The following EGFLAM variants were observed in gnomAD, a reference collection of about 807,000 sequenced individuals.
EGFLAM encodes the protein pikachurin.
A neutral mutation model predicts 113.1 loss-of-function variants in EGFLAM; 79 were observed. That is an observed-to-expected ratio of 0.70 (90% CI 0.58 to 0.84). EGFLAM has a LOEUF of 0.84. EGFLAM is among the 40% of genes least tolerant of loss of function. The pLI, the probability that EGFLAM is intolerant of heterozygous loss-of-function variation, is 0.00. For synonymous variants in EGFLAM, 504 were observed against 487.6 expected (o/e 1.03, Z -0.44); for missense variants, 1,265 against 1,291.6 (o/e 0.98, Z 0.32).
intron 1 of EGFLAM, among the ~76,000 whole-genome samples, chr5:38,292,282 G>A (rs1007222946): frequency 7.2e-5 from 11 of 152,162 alleles, no homozygotes; most frequent in Non-Finnish European, 1.2e-4. Flanking sequence ...TTTTATCTGT[G>A]TTAAATGAGT....
In EGFLAM at chr5:38,337,650, G is replaced by T. The variant is rs115153941; in HGVS notation, c.207+21G>T. ...ACACTGTGAGTACACGGGCATGGGAGTTTCCTCGGTGGGTGTGTCGTGTGA... is the reference window on the plus strand; with the variant it reads ...ACACTGTGAGTACACGGGCATGGGATTTTCCTCGGTGGGTGTGTCGTGTGA... On this transcript the variant is annotated intron_variant, in intron 2 of 21. Transcript: ENST00000322350. The T allele has an allele frequency of 1.2e-3, 1,810 of 1,565,378 alleles. 18 individuals carry two copies. In the African/African-American group the frequency reaches 0.021, roughly 19 times the overall value.
At chr5:38,306,653 G>T (rs1758724108) in intron 1 of EGFLAM, among the ~76,000 whole-genome samples, 1 of 152,172 alleles carries the variant, frequency 6.6e-6, no homozygotes, top group Non-Finnish European at 1.5e-5. Flanking sequence ...TAGTGAGAAA[G>T]ATCACTCTTT....
chr5:38,322,881 CCA>C (rs1221607874), intron 1 of EGFLAM, among the ~76,000 whole-genome samples: 1 of 152,150 alleles, frequency 6.6e-6, no homozygotes, highest in Non-Finnish European at 1.5e-5. Flanking sequence ...CTTCTTTAAT[CCA>C]CAGGTAACTA....
chr5:38,288,387 G>A (rs1436566969), intron 1 of EGFLAM, among the ~76,000 whole-genome samples: 3 of 152,178 alleles, frequency 2.0e-5, no homozygotes, highest in Admixed American at 2.0e-4. Flanking sequence ...ATATTGCCAG[G>A]AAAGATAGGG....
At chr5:38,339,507 C>T (rs1466873698) in intron 3 of EGFLAM, among the ~76,000 whole-genome samples, 1 of 152,190 alleles carries the variant, frequency 6.6e-6, no homozygotes, top group Admixed American at 6.5e-5. Context: ...CTGGCAGCAG[C>T]ACCTGAGAGA....
At chr5:38,442,342 T>G (rs1350404955) in intron 17 of EGFLAM, among the ~76,000 whole-genome samples, 1 of 147,866 alleles carries the variant, frequency 6.8e-6, no homozygotes, top group South Asian at 2.1e-4. Context: ...ATTATTTGAT[T>G]TAAAATATTA....
intron 16 of EGFLAM, among the ~76,000 whole-genome samples, chr5:38,435,808 T>C (rs986162886): frequency 3.8e-4 from 34 of 89,976 alleles, no homozygotes; most frequent in Admixed American, 5.3e-4. Flanking sequence ...GGCTCTCTCT[T>C]TTTTTTTTTT....
intron 6 of EGFLAM, among the ~76,000 whole-genome samples, chr5:38,400,500 T>C (rs1414569109): frequency 6.6e-6 from 1 of 152,216 alleles, no homozygotes; most frequent in African/African-American, 2.4e-5. Context: ...GGGAGAATTC[T>C]TATCACTGGC....
chr5:38,287,924 TG>T (rs1299221437), intron 1 of EGFLAM, among the ~76,000 whole-genome samples: 1 of 152,230 alleles, frequency 6.6e-6, no homozygotes, highest in African/African-American at 2.4e-5. Context: ...TGCTAACTTC[TG>T]GGAACACAGT....
At chr5:38,435,765 A>G (rs1217929730) in intron 16 of EGFLAM, among the ~76,000 whole-genome samples, 2 of 151,850 alleles carry the variant, frequency 1.3e-5, no homozygotes, top group Non-Finnish European at 2.9e-5. Flanking sequence ...AGGTTCAGGA[A>G]AAAAACATTC....
At chr5:38,327,523 G>T (rs1020557292) in intron 1 of EGFLAM, among the ~76,000 whole-genome samples, 1 of 152,158 alleles carries the variant, frequency 6.6e-6, no homozygotes, top group Non-Finnish European at 1.5e-5. Context: ...TTAAATAACT[G>T]TAATAATAGT....
At chr5:38,379,315 A>G (rs958542848) in intron 6 of EGFLAM, among the ~76,000 whole-genome samples, 1 of 152,120 alleles carries the variant, frequency 6.6e-6, no homozygotes, top group Non-Finnish European at 1.5e-5. Context: ...CATCCAAGGA[A>G]AAAAAGTGAA....
chr5:38,424,874 A>T lies in EGFLAM; in HGVS notation c.1685-93A>T. On this transcript the variant is annotated intron_variant, in intron 12 of 21. Transcript: ENST00000322350. ...CAGGAGTAAGAACTGAAATGTATTT[A>T]TTCAGAACCATGAGCTGCTGGTGGG... 2.0e-6 allele frequency: 3 copies of T among 1,518,720 alleles called. No homozygotes were observed. The Admixed American group carries it at 5.7e-5, about 29-fold the overall frequency. 94.1% of individuals were successfully genotyped at this position (1,518,720 alleles called of 1,614,324 possible).
intron 1 of EGFLAM, among the ~76,000 whole-genome samples, chr5:38,280,651 A>G (rs1231958579): frequency 6.6e-5 from 10 of 152,052 alleles, no homozygotes; most frequent in Admixed American, 6.5e-4. Flanking sequence ...GGGTAGTAAC[A>G]ATGTCTTATT....
chr5:38,374,312 T>G (rs1397038671), intron 6 of EGFLAM, among the ~76,000 whole-genome samples: 1 of 152,034 alleles, frequency 6.6e-6, no homozygotes, highest in Admixed American at 6.6e-5. Context: ...GAGATCAGAT[T>G]TTATTACTGC....
At chr5:38,268,143 A>G (rs1194963650) in intron 1 of EGFLAM, among the ~76,000 whole-genome samples, 1 of 152,184 alleles carries the variant, frequency 6.6e-6, no homozygotes, top group East Asian at 1.9e-4. Flanking sequence ...CTCAGCAGAT[A>G]CAAGCAGTTG....
Position 38,388,917 on chromosome 5 carries a change from GAA to G in EGFLAM, c.713-17195_713-17194del, listed in dbSNP as rs770527595. Among the ~76,000 whole-genome samples the G allele has an allele frequency of 5.8e-3, 357 of 61,086 alleles. 1 individual carries two copies. Among genetic ancestry groups the G allele is most frequent in the South Asian group, 0.032 (61 of 1,892 alleles). 40.1% of individuals were successfully genotyped at this position (61,086 alleles called of 152,430 possible). A position where few individuals can be genotyped will look rare whatever the true frequency, so the allele number is the denominator to read the frequency against. On this transcript the variant is annotated intron_variant, in intron 6 of 21. Coordinates refer to ENST00000322350, the MANE Select transcript of EGFLAM (RefSeq NM_152403.4). The stretch of plus-strand genomic sequence containing the variant: ...GTGACAGAGCAAGACCCTGTCTCAA[GAA>G]AAAAAAAAAAAAACAAAAAAAAATG...
At chr5:38,280,572 C>G (rs1271804438) in intron 1 of EGFLAM, among the ~76,000 whole-genome samples, 1 of 152,138 alleles carries the variant, frequency 6.6e-6, no homozygotes. Context: ...ACATACAGCC[C>G]CTGGCCCACC....
intron 6 of EGFLAM, among the ~76,000 whole-genome samples, chr5:38,397,982 A>G (rs1741006669): frequency 6.6e-6 from 1 of 152,178 alleles, no homozygotes; most frequent in African/African-American, 2.4e-5. Context: ...TCAGGCATAG[A>G]TCCTGGTTCA....
Sources: gnomAD v4.1 joint callset for allele counts (sites outside exome capture counted in the v4.1 genomes callset) on GRCh38, gnomAD v4.1.1 for gene constraint, MANE v1.5 for transcripts, NCBI Gene and HGNC (gene_info 2026-07-23, HGNC 2026-07-21) for gene names.